NEBL: variants seen among roughly 807,000 people sequenced by gnomAD.
The protein encoded by NEBL is nebulette.
NEBL carries 122 observed loss-of-function variants against 140.2 expected under a neutral mutation model. That is an observed-to-expected ratio of 0.87 (90% confidence interval 0.75 to 1.01). The LOEUF is 1.01. NEBL is among the 50% of genes least tolerant of loss of function. The probability of loss-of-function intolerance (pLI) is 0.00; values close to 1 mark genes in which losing one functional copy is unlikely to be tolerated. For synonymous variants in NEBL, 436 were observed against 398.9 expected (o/e 1.09, Z -1.11); for missense variants, 1,365 against 1,231.3 (o/e 1.11, Z -1.62).
chr10:21,116,117 T>C (rs562756356), intron 2 of NEBL, among the ~76,000 whole-genome samples: 35 of 152,190 alleles, frequency 2.3e-4, no homozygotes, highest in African/African-American at 7.7e-4. Context: ...TTTTTTTTCC[T>C]CTACATACTT....
At chr10:20,819,580 A>T in intron 19 of NEBL, 64 bp from the exon 20 acceptor site, 1 of 1,587,528 alleles carries the variant, frequency 6.3e-7, no homozygotes, top group Non-Finnish European at 8.6e-7. Context: ...AAACATTGCA[A>T]CAGATTTTTT....
At chr10:20,843,428 A>G (rs974089509) in intron 12 of NEBL, among the ~76,000 whole-genome samples, 12 of 151,812 alleles carry the variant, frequency 7.9e-5, no homozygotes, top group African/African-American at 2.9e-4. Flanking sequence ...ATAAATTAAG[A>G]CTCACTCCAA....
chr10:21,120,638 A>G (rs1838522822), intron 2 of NEBL, among the ~76,000 whole-genome samples: 1 of 132,184 alleles, frequency 7.6e-6, no homozygotes, highest in Non-Finnish European at 1.6e-5. Flanking sequence ...ATCCTTCTAT[A>G]TTTATTGGGG....
At chr10:21,163,717 G>C (rs938702890) in intron 2 of NEBL, among the ~76,000 whole-genome samples, 3 of 152,208 alleles carry the variant, frequency 2.0e-5, no homozygotes, top group Non-Finnish European at 4.4e-5. Context: ...AGACCGCTGA[G>C]CTGATGCAGA....
At chr10:21,009,665 A>G (rs143814949) in intron 3 of NEBL, among the ~76,000 whole-genome samples, 11 of 152,280 alleles carry the variant, frequency 7.2e-5, no homozygotes, top group African/African-American at 1.9e-4. Flanking sequence ...ATACAATACA[A>G]TTGTCCCAAA....
intron 3 of NEBL, among the ~76,000 whole-genome samples, chr10:21,237,618 T>C (rs1842374858): frequency 6.6e-6 from 1 of 151,652 alleles, no homozygotes; most frequent in Non-Finnish European, 1.5e-5. Context: ...CTGATGTTCT[T>C]TTTTGTGAGA....
At chr10:21,253,445 T>C (rs1371027190) in intron 1 of NEBL, among the ~76,000 whole-genome samples, 1 of 151,900 alleles carries the variant, frequency 6.6e-6, no homozygotes, top group Non-Finnish European at 1.5e-5. Flanking sequence ...AGAGGAAAAA[T>C]ATTGGCTTCG....
intron 26 of NEBL, among the ~76,000 whole-genome samples, chr10:20,798,718 C>G (rs1463921227): frequency 1.3e-5 from 2 of 152,148 alleles, no homozygotes; most frequent in Admixed American, 1.3e-4. Context: ...TTCTCCAAAT[C>G]AACTCAGCCT....
intron 17 of NEBL, among the ~76,000 whole-genome samples, chr10:20,827,990 C>G (rs703087): frequency 0.99 from 150,522 of 152,208 alleles, 74,520 homozygotes; most frequent in Middle Eastern, 1. Flanking sequence ...TTAACACCTG[C>G]GTGACAAAAT....
At position 21,173,622 on chromosome 10, in the gene NEBL, T is replaced by C; in HGVS notation, c.69+143A>G. The C allele has an allele frequency of 7.2e-7, 1 of 1,388,082 alleles. No individual in the cohort carries two copies. The highest frequency in any genetic ancestry group is 1.4e-5 in the African/African-American group (1 of 70,332). 86.0% of individuals were successfully genotyped at this position (1,388,082 alleles called of 1,614,324 possible). A position where few individuals can be genotyped will look rare whatever the true frequency, so the allele number is the denominator to read the frequency against. On this transcript the variant is annotated intron_variant, in intron 1 of 6. Transcript: ENST00000417816. This position sits in a 1 kb window ranked among gnomAD's most constrained non-coding sequence, Gnocchi z 5.7. ...TCTGACACTCCCGCTGGCGTCTTCG[T>C]TCGCGCGCCCTCCCCCCGTGCCAAG...
chr10:20,981,696 C>A (rs766240669), intron 3 of NEBL, among the ~76,000 whole-genome samples: 2 of 152,106 alleles, frequency 1.3e-5, no homozygotes, highest in Non-Finnish European at 2.9e-5. Flanking sequence ...CCACTGACAC[C>A]GGTGATAGGG....
chr10:20,861,476 G>A (rs140030639), intron 7 of NEBL, among the ~76,000 whole-genome samples: 2 of 152,274 alleles, frequency 1.3e-5, no homozygotes, highest in African/African-American at 4.8e-5. Context: ...ACCGCGCCCA[G>A]CCACAGTCTT....
At chr10:21,236,345 A>ATTTTTTTTTTTTT (rs147170707) in intron 3 of NEBL, among the ~76,000 whole-genome samples, 1 of 125,360 alleles carries the variant, frequency 8.0e-6, no homozygotes, top group African/African-American at 3.2e-5. Context: ...CCTTTTTTTA[A>ATTTTTTTTTTTTT]TTTTTTTTTT....
At chr10:21,076,434 G>A (rs1234225991) in intron 2 of NEBL, among the ~76,000 whole-genome samples, 1 of 97,926 alleles carries the variant, frequency 1.0e-5, no homozygotes, top group Non-Finnish European at 1.8e-5. Flanking sequence ...AACAGAGAGA[G>A]ACTCAGTTTC....
rs1184516514 is a variant in NEBL at position 21,053,305 on chromosome 10, CT to C, written c.165-33105del. ...TGTTAATTAAGTGATGTTAAGCAGA[CT>C]TCTTGGCTATAATCCCACTTCCCAC... On this transcript the variant is annotated intron_variant, in intron 2 of 6. Coordinates refer to the NEBL transcript ENST00000417816. 1.5e-4 allele frequency among the ~76,000 whole-genome samples: 23 copies of C among 152,254 alleles called. 1 individual carries two copies. Among genetic ancestry groups the C allele is most frequent in the Admixed American group, 1.2e-3 (18 of 15,290 alleles).
chr10:21,042,919 C>A (rs558351424), intron 2 of NEBL, among the ~76,000 whole-genome samples: 19 of 152,350 alleles, frequency 1.2e-4, no homozygotes, highest in African/African-American at 4.3e-4. Flanking sequence ...TAGCTAACTC[C>A]ATTGAACCAT....
chr10:21,085,690 A>G (rs1425068074), intron 2 of NEBL, among the ~76,000 whole-genome samples: 1 of 152,182 alleles, frequency 6.6e-6, no homozygotes, highest in Non-Finnish European at 1.5e-5. Flanking sequence ...AGCTCATTTA[A>G]TTAATACATT....
chr10:21,025,633 G>A (rs16921434), intron 2 of NEBL, among the ~76,000 whole-genome samples: 2,618 of 152,286 alleles, frequency 0.017, 63 homozygotes, highest in African/African-American at 0.06. Context: ...CATGACTGGG[G>A]AGAGCGAGAA....
intron 26 of NEBL, among the ~76,000 whole-genome samples, chr10:20,797,314 C>G (rs1836647505): frequency 6.6e-6 from 1 of 152,146 alleles, no homozygotes; most frequent in Non-Finnish European, 1.5e-5. Flanking sequence ...TTTTTAAAGA[C>G]TTAAAATGGC....
Sources: gnomAD v4.1 joint callset for allele counts (sites outside exome capture counted in the v4.1 genomes callset) on GRCh38, gnomAD v4.1.1 for gene constraint, Gnocchi (gnomAD v3.1) non-coding constraint, MANE v1.5 for transcripts, NCBI Gene and HGNC (gene_info 2026-07-23, HGNC 2026-07-21) for gene names.